The following FGGY variants were observed in gnomAD, a reference collection of about 807,000 sequenced individuals.
FGGY encodes the protein FGGY carbohydrate kinase domain containing, also known as FGGY carbohydrate kinase domain-containing protein.
In FGGY, 72 loss-of-function variants were observed where a neutral mutation model predicts 71.3. That is an observed-to-expected ratio of 1.01 (90% CI 0.84 to 1.23). The LOEUF is 1.23. Ranked by LOEUF, FGGY falls within the 50% of genes most tolerant of loss-of-function variation. The pLI is 0.00. For missense variants in FGGY, 668 were observed against 682.3 expected (o/e 0.98, Z 0.23); for synonymous variants, 251 against 250.3 (o/e 1.00, Z -0.02).
chr1:59,334,220 G>A (rs1446798380), intron 2 of FGGY, among the ~76,000 whole-genome samples: 6 of 152,110 alleles, frequency 3.9e-5, no homozygotes, highest in Non-Finnish European at 8.8e-5. Context: ...TTGGGTCACT[G>A]CAACCTTTGC....
At chr1:59,493,130 C>CACAAAAAA (rs3220800) in intron 6 of FGGY, among the ~76,000 whole-genome samples, 1 of 150,276 alleles carries the variant, frequency 6.7e-6, no homozygotes, top group African/African-American at 2.5e-5. Flanking sequence ...CACACACACA[C>CACAAAAAA]AAAACAGAAA....
At chr1:59,577,305 T>A (rs1234632365) in intron 8 of FGGY, among the ~76,000 whole-genome samples, 2 of 152,236 alleles carry the variant, frequency 1.3e-5, no homozygotes, top group East Asian at 1.9e-4. Flanking sequence ...AAAATAAAAT[T>A]CTACTCTCTT....
intron 8 of FGGY, among the ~76,000 whole-genome samples, chr1:59,576,805 A>G (rs1457940100): frequency 6.6e-6 from 1 of 152,008 alleles, no homozygotes; most frequent in Non-Finnish European, 1.5e-5. Context: ...ATTTTATATG[A>G]TAGTCCCATT....
intron 1 of FGGY, among the ~76,000 whole-genome samples, chr1:59,298,864 A>G (rs1483313208): frequency 6.6e-6 from 1 of 152,184 alleles, no homozygotes; most frequent in African/African-American, 2.4e-5. Context: ...GTCAGAGATC[A>G]TCCAAATCAG....
At chr1:59,316,691 A>G (rs953019395) in intron 1 of FGGY, among the ~76,000 whole-genome samples, 1 of 152,200 alleles carries the variant, frequency 6.6e-6, no homozygotes, top group African/African-American at 2.4e-5. Context: ...TTGATCATAA[A>G]TAGGGGCTAA....
chr1:59,651,852 G>A lies in FGGY; in HGVS notation c.1222-8367G>A, dbSNP rs963623250. ...GATGCAGTTTCTTCCTAGTCTCGAT[G>A]GTCTTTACATTTTGACATGATTTTG... On this transcript the variant is annotated intron_variant, in intron 11 of 15. Coordinates refer to ENST00000303721, the MANE Select transcript of FGGY (RefSeq NM_018291.5). Among the ~76,000 whole-genome samples, 532 of 151,700 alleles carry A rather than the reference G, an allele frequency of 3.5e-3. 4 individuals are homozygous for A. The highest frequency in any genetic ancestry group is 0.012 in the African/African-American group (507 of 41,346).
chr1:59,543,684 A>T (rs1023477513), intron 7 of FGGY, among the ~76,000 whole-genome samples: 3 of 151,420 alleles, frequency 2.0e-5, no homozygotes, highest in African/African-American at 4.9e-5. Flanking sequence ...GCTAATTAAT[A>T]TTTTTTTTCC....
At chr1:59,720,097 A>T (rs2097876684) in intron 14 of FGGY, among the ~76,000 whole-genome samples, 1 of 152,180 alleles carries the variant, frequency 6.6e-6, no homozygotes, top group Non-Finnish European at 1.5e-5. Flanking sequence ...GCCAGCAATG[A>T]GCCTGGGGTC....
chr1:59,601,693 A>G (rs1416057837), intron 8 of FGGY, among the ~76,000 whole-genome samples: 2 of 152,162 alleles, frequency 1.3e-5, no homozygotes, highest in African/African-American at 2.4e-5. Flanking sequence ...GTCCCCCTAG[A>G]TTATAAACTT....
At chr1:59,372,175 TAAAG>T (rs1371834143) in intron 4 of FGGY, among the ~76,000 whole-genome samples, 1 of 150,808 alleles carries the variant, frequency 6.6e-6, no homozygotes. Context: ...GCAAGACTAA[TAAAG>T]AAAAAAAGAA....
intron 14 of FGGY, among the ~76,000 whole-genome samples, chr1:59,726,743 G>C (rs1227635509): frequency 2.6e-5 from 4 of 151,852 alleles, no homozygotes; most frequent in Non-Finnish European, 4.4e-5. Context: ...TTTTTATCTT[G>C]ATTACCCTGG....
At chr1:59,613,123 G>A (rs933110207) in intron 9 of FGGY, among the ~76,000 whole-genome samples, 1 of 152,154 alleles carries the variant, frequency 6.6e-6, no homozygotes, top group African/African-American at 2.4e-5. Flanking sequence ...TCCAGGAATA[G>A]AACTCAGCTC....
chr1:59,336,099 A>G (rs2049429378), intron 2 of FGGY, among the ~76,000 whole-genome samples: 1 of 152,078 alleles, frequency 6.6e-6, no homozygotes, highest in Non-Finnish European at 1.5e-5. Flanking sequence ...GTTTTCTTCT[A>G]CACATTTTAT....
chr1:59,505,221 T>G (rs2094346676), intron 6 of FGGY, among the ~76,000 whole-genome samples: 1 of 152,222 alleles, frequency 6.6e-6, no homozygotes, highest in South Asian at 2.1e-4. Flanking sequence ...GAAGAGGTAT[T>G]GGATGGGAAT....
At chr1:59,513,709 C>T (rs2094570920) in intron 7 of FGGY, among the ~76,000 whole-genome samples, 1 of 152,188 alleles carries the variant, frequency 6.6e-6, no homozygotes, top group African/African-American at 2.4e-5. Flanking sequence ...TCATGCCAAG[C>T]CCTATGTCTG....
intron 13 of FGGY, among the ~76,000 whole-genome samples, chr1:59,669,692 G>T (rs1479453318): frequency 1.3e-5 from 2 of 152,070 alleles, no homozygotes; most frequent in East Asian, 3.9e-4. Context: ...ACCGCACCCG[G>T]CCCCAATTTC....
At chr1:59,537,779 A>T (rs1206726190) in intron 7 of FGGY, among the ~76,000 whole-genome samples, 1 of 152,182 alleles carries the variant, frequency 6.6e-6, no homozygotes, top group Non-Finnish European at 1.5e-5. Flanking sequence ...GGTGCTGGGA[A>T]AACTGGCTAG....
chr1:59,368,936 AG>A lies in FGGY; in HGVS notation c.466-9812del, dbSNP rs2057048690. 2.0e-5 allele frequency among the ~76,000 whole-genome samples: 3 copies of A among 152,204 alleles called. No homozygotes were observed. The South Asian group carries it at 6.2e-4, about 32-fold the overall frequency. On this transcript the variant is annotated intron_variant, in intron 4 of 15. Transcript: ENST00000303721. ...GAAGCCCTGTCTCGGGGAGGAGCCA[AG>A]ATGGCTGAACAGGAACAGCTCCGGT...
At chr1:59,598,741 C>A (rs1044429275) in intron 8 of FGGY, among the ~76,000 whole-genome samples, 7 of 152,194 alleles carry the variant, frequency 4.6e-5, no homozygotes, top group African/African-American at 1.7e-4. Context: ...TAAGCCCGAT[C>A]TTTATTAACC....
Sources: allele counts gnomAD v4.1 joint callset (sites outside exome capture counted in the v4.1 genomes callset), GRCh38; gene constraint gnomAD v4.1.1; transcripts MANE v1.5; gene names NCBI Gene and HGNC (gene_info 2026-07-23, HGNC 2026-07-21).